Variants in WDR64 observed in about 807,000 individuals in gnomAD.
WDR64 encodes WD repeat-containing protein 64.
A neutral mutation model predicts 139.3 loss-of-function variants in WDR64; 112 were observed. The observed-to-expected ratio is 0.80, with a 90% CI of 0.69 to 0.94. WDR64 has a LOEUF of 0.94. WDR64 is among the 40% of genes least tolerant of loss of function. WDR64 has a pLI of 0.00. For synonymous variants in WDR64, 444 were observed against 437.7 expected (o/e 1.01, Z -0.18); for missense variants, 1,206 against 1,293.1 (o/e 0.93, Z 1.03).
At chr1:241,754,206 A>T (rs1332743811) in intron 14 of WDR64, among the ~76,000 whole-genome samples, 2 of 152,052 alleles carry the variant, frequency 1.3e-5, no homozygotes, top group Admixed American at 1.3e-4. Context: ...ATTGTTTTTT[A>T]AATTTTTTTA....
At chr1:241,748,147 A>AG (rs1414542685) in intron 13 of WDR64, among the ~76,000 whole-genome samples, 1 of 152,202 alleles carries the variant, frequency 6.6e-6, no homozygotes, top group Non-Finnish European at 1.5e-5. Flanking sequence ...CACTGAGGGA[A>AG]GGGCAGCAAA....
intron 8 of WDR64, among the ~76,000 whole-genome samples, chr1:241,696,660 G>T (rs1667500567): frequency 6.6e-6 from 1 of 152,136 alleles, no homozygotes; most frequent in Non-Finnish European, 1.5e-5. Context: ...AAACCGTCAT[G>T]GCACTGGTGG....
intron 7 of WDR64, among the ~76,000 whole-genome samples, chr1:241,686,759 A>G (rs1202483963): frequency 1.3e-5 from 2 of 152,208 alleles, no homozygotes; most frequent in Admixed American, 1.3e-4. Context: ...TACATTGCCC[A>G]GTACTTCAGT....
chr1:241,771,691 G>A lies in WDR64; in HGVS notation c.2284G>A (p.Val762Ile), dbSNP rs1658436778. ...GSKQSIHDSE[V>I]KGEQTDVMVG... ...CAAGCAAAGCATACATGACAGTGAGGTTAAAGGTCAGTATGAAATCACCTC... is the reference window on the plus strand; with the variant it reads ...CAAGCAAAGCATACATGACAGTGAGATTAAAGGTCAGTATGAAATCACCTC... Residue 762 changes from valine to isoleucine, a missense_variant, in exon 19 of 28, where the codon GTT (valine) becomes ATT (isoleucine). By Grantham distance (29) the Val-to-Ile change is conservative. Transcript: ENST00000437684. 2 of 1,486,924 alleles carry A rather than the reference G, an allele frequency of 1.3e-6. No homozygotes were observed. The highest frequency in any genetic ancestry group is 9.0e-7 in the Non-Finnish European group (1 of 1,115,082). 92.1% of individuals were successfully genotyped at this position (1,486,924 alleles called of 1,614,324 possible). A position where few individuals can be genotyped will look rare whatever the true frequency, so the allele number is the denominator to read the frequency against.
At chr1:241,743,064 T>A (rs1669610238) in intron 12 of WDR64, among the ~76,000 whole-genome samples, 1 of 152,200 alleles carries the variant, frequency 6.6e-6, no homozygotes, top group Non-Finnish European at 1.5e-5. Flanking sequence ...CAAGTGAGAA[T>A]CTCCTGAGTT....
At chr1:241,698,979 A>G (rs776213416) in intron 8 of WDR64, among the ~76,000 whole-genome samples, 4 of 152,184 alleles carry the variant, frequency 2.6e-5, no homozygotes, top group Non-Finnish European at 5.9e-5. Flanking sequence ...TGGTGGCAGG[A>G]AAGAGAAGAA....
intron 8 of WDR64, among the ~76,000 whole-genome samples, chr1:241,709,138 C>A (rs1574030006): frequency 6.6e-6 from 1 of 152,096 alleles, no homozygotes; most frequent in African/African-American, 2.4e-5. Context: ...TTTTTCACAT[C>A]TTTTTCTGAC....
chr1:241,758,911 T>C (rs1291962443), intron 15 of WDR64, among the ~76,000 whole-genome samples: 1 of 152,184 alleles, frequency 6.6e-6, no homozygotes, highest in African/African-American at 2.4e-5. Flanking sequence ...AATAGACAGC[T>C]AAGAAAAAAC....
In WDR64 at chr1:241,684,780, CAG is replaced by C. The variant is rs1018601591; in HGVS notation, c.839+1082_839+1083del. On this transcript the variant is annotated intron_variant, in intron 7 of 27. Transcript: ENST00000437684. ...GCCTTGCCTTTCTTTCCTGTTTTGACAGAGTCTCACTCTGTCGCCCAGGCTGG... is the reference window on the plus strand; with the variant it reads ...GCCTTGCCTTTCTTTCCTGTTTTGACAGTCTCACTCTGTCGCCCAGGCTGG... Among the ~76,000 whole-genome samples the C allele has an allele frequency of 2.0e-4, 30 of 152,250 alleles. No individual in the cohort carries two copies. In the East Asian group the frequency reaches 5.0e-3, roughly 26 times the overall value.
At chr1:241,731,916 G>A (rs1205775016) in intron 10 of WDR64, among the ~76,000 whole-genome samples, 2 of 152,072 alleles carry the variant, frequency 1.3e-5, no homozygotes, top group South Asian at 2.1e-4. Context: ...TTGAGTGCCT[G>A]CCATTTATAC....
chr1:241,748,224 A>G (rs557097577), intron 13 of WDR64, among the ~76,000 whole-genome samples: 1 of 152,284 alleles, frequency 6.6e-6, no homozygotes, highest in Admixed American at 6.5e-5. Context: ...ATTCTTCTCT[A>G]CCTCTTGAGG....
intron 13 of WDR64, among the ~76,000 whole-genome samples, chr1:241,749,215 G>T (rs1214740941): frequency 1.3e-5 from 2 of 152,182 alleles, no homozygotes; most frequent in Non-Finnish European, 1.5e-5. Flanking sequence ...GTTCGGGACT[G>T]GGTGTTTAGC....
intron 8 of WDR64, among the ~76,000 whole-genome samples, chr1:241,691,578 A>G (rs1667290663): frequency 6.6e-6 from 1 of 150,562 alleles, no homozygotes; most frequent in South Asian, 2.1e-4. Flanking sequence ...AAACATCTAC[A>G]AAAAACCTCC....
At chr1:241,740,333 T>C (rs1190073162) in intron 11 of WDR64, among the ~76,000 whole-genome samples, 2 of 152,278 alleles carry the variant, frequency 1.3e-5, no homozygotes, top group African/African-American at 2.4e-5. Context: ...GAAAAGGATC[T>C]ACCAAAAGGT....
At chr1:241,796,789 C>T (rs146613571) in intron 27 of WDR64, among the ~76,000 whole-genome samples, 15 of 152,132 alleles carry the variant, frequency 9.9e-5, no homozygotes, top group African/African-American at 2.9e-4. Context: ...CCACTGTGCC[C>T]GGCCTCAGTT....
At position 241,780,043 on chromosome 1, in the gene WDR64, A is replaced by T; in HGVS notation, c.2576A>T (p.Asp859Val). ...CTTTGCAATATTAGCTCTTTCCTGG[A>T]TCCACCTCATGATGAAAAGGTAAGA... The part of the protein sequence containing the change: ...VILCNISSFL[D>V]PPHDEKKFKQ... Residue 859 changes from aspartate to valine, a missense_variant, in exon 22 of 28, where the codon GAT becomes GTT. Physicochemically the swap from Asp to Val is radical, Grantham distance 152. Coordinates refer to ENST00000437684, the MANE Select transcript of WDR64 (RefSeq NM_001367482.1). The T allele has an allele frequency of 6.3e-7, 1 of 1,588,344 alleles. No homozygotes were observed. Among genetic ancestry groups the T allele is most frequent in the Middle Eastern group, 1.7e-4 (1 of 5,998 alleles).
chr1:241,790,693 T>C lies in WDR64; in HGVS notation c.2994T>C (p.Pro998=). ...DFKFFKSLSS[P]KIRRYPLEGF... is the part of the protein sequence containing the mutation. Reference sequence around the variant, plus strand: ...AGTTTTTCAAGTCTCTTTCTTCTCCTAAGGTAGCTTAAAAAAAAAAAAAAA... The same window carrying C: ...AGTTTTTCAAGTCTCTTTCTTCTCCCAAGGTAGCTTAAAAAAAAAAAAAAA... Residue 998 remains proline, a synonymous_variant, in exon 25 of 28, where the codon CCT becomes CCC. Transcript: ENST00000437684. The C allele has an allele frequency of 6.7e-7, 1 of 1,484,024 alleles. No homozygotes were observed. The highest frequency in any genetic ancestry group is 9.0e-7 in the Non-Finnish European group (1 of 1,106,914). 91.9% of individuals were successfully genotyped at this position (1,484,024 alleles called of 1,614,324 possible).
chr1:241,755,362 T>C lies in WDR64; in HGVS notation c.1771-1921T>C, dbSNP rs868303210. Reference sequence around the variant, plus strand: ...TTCATGTTTGTTGGCTGCATAAATGTCTTCTTTTGAGAAGTGTCTGTTCAT... The same window carrying C: ...TTCATGTTTGTTGGCTGCATAAATGCCTTCTTTTGAGAAGTGTCTGTTCAT... On this transcript the variant is annotated intron_variant, in intron 14 of 27. Coordinates refer to ENST00000437684, the MANE Select transcript of WDR64 (RefSeq NM_001367482.1). Among the ~76,000 whole-genome samples the C allele has an allele frequency of 1.8e-4, 28 of 152,368 alleles. No homozygotes were observed. The Middle Eastern group carries it at 0.01, about 56-fold the overall frequency.
intron 10 of WDR64, among the ~76,000 whole-genome samples, chr1:241,735,867 G>A (rs892112487): frequency 2.8e-5 from 3 of 108,286 alleles, no homozygotes; most frequent in African/African-American, 1.2e-4. Flanking sequence ...GTGTGTGTGT[G>A]TGTGTGTGTG....
Sources: allele counts gnomAD v4.1 joint callset (sites outside exome capture counted in the v4.1 genomes callset), GRCh38; gene constraint gnomAD v4.1.1; transcripts MANE v1.5; gene names NCBI Gene and HGNC (gene_info 2026-07-23, HGNC 2026-07-21).